Variants in KCNA6 observed in about 807,000 individuals in gnomAD.
KCNA6 encodes the protein human brain potassium channel-2.
KCNA6 carries 17 observed loss-of-function variants against 29.5 expected under a neutral mutation model. The ratio of observed to expected loss-of-function variants is 0.58; its 90% CI spans 0.39 to 0.86. The LOEUF is 0.86. Ranked by LOEUF, KCNA6 falls within the 40% of genes least tolerant of loss-of-function variation. The pLI is 0.00. For missense variants in KCNA6, 450 were observed against 703.4 expected (o/e 0.64, Z 4.07); for synonymous variants, 296 against 304.7 (o/e 0.97, Z 0.30).
At chr12:4,849,827 G>A in the KCNA6 span, among the ~76,000 whole-genome samples, 1 of 152,328 alleles carries the variant, frequency 6.6e-6, no homozygotes, top group South Asian at 2.1e-4. Flanking sequence ...TTCCAAAGCA[G>A]TTTCACAAAC....
chr12:4,842,437 T>G, the KCNA6 span: 1 of 152,444 alleles, frequency 6.6e-6, no homozygotes, highest in Admixed American at 6.5e-5. Context: ...TGAAATGGTT[T>G]AGTAGTTCTC....
chr12:4,844,735 T>C, the KCNA6 span, among the ~76,000 whole-genome samples: 104,797 of 152,054 alleles, frequency 0.69, 36,917 homozygotes, highest in African/African-American at 0.76. The surrounding 1 kb of genome is among the most constrained non-coding windows in gnomAD (Gnocchi z 4.0). Context: ...ACATGTATGT[T>C]GTCTACCACT....
At chr12:4,849,849 G>A in the KCNA6 span, among the ~76,000 whole-genome samples, 39 of 152,198 alleles carry the variant, frequency 2.6e-4, no homozygotes, top group African/African-American at 9.2e-4. Flanking sequence ...CCTTGTTGTC[G>A]TTGCTTCCGT....
chr12:4,850,708 T>C, the KCNA6 span: 315,524 of 417,876 alleles, frequency 0.76, 120,294 homozygotes, highest in African/African-American at 0.78. The surrounding 1 kb of genome is among the most constrained non-coding windows in gnomAD (Gnocchi z 5.4). Context: ...ACTAACTACA[T>C]GTCCTTTTGT....
At chr12:4,835,907 A>G in the KCNA6 span, among the ~76,000 whole-genome samples, 2 of 151,392 alleles carry the variant, frequency 1.3e-5, no homozygotes, top group Non-Finnish European at 2.9e-5. Flanking sequence ...TTCTTCCCCT[A>G]AGGTAGCTAT....
At chr12:4,819,313 A>C in the KCNA6 span, among the ~76,000 whole-genome samples, 2 of 152,170 alleles carry the variant, frequency 1.3e-5, no homozygotes, top group African/African-American at 4.8e-5. Flanking sequence ...AGGGTCTTAT[A>C]GTTAGCAGAA....
chr12:4,810,437 G>A lies in KCNA6; in HGVS notation c.396G>A (p.Ala132=), dbSNP rs1278155730. 1.2e-6 allele frequency: 2 copies of A among 1,614,072 alleles called. No homozygotes were observed. Among genetic ancestry groups the A allele is most frequent in the South Asian group, 1.1e-5 (1 of 91,080 alleles). Reference sequence around the variant, plus strand: ...ACCAGCTGGGGGACGAGGCCCTGGCGGCCTTCCGGGAGGACGAGGGCTGCC... The same window carrying A: ...ACCAGCTGGGGGACGAGGCCCTGGCAGCCTTCCGGGAGGACGAGGGCTGCC... The change falls in exon 1 of 1, where the codon GCG becomes GCA. Residue 132 remains alanine (A), a synonymous_variant. Transcript: ENST00000280684. This position sits in a 1 kb window ranked among gnomAD's most constrained non-coding sequence, Gnocchi z 7.5.
the KCNA6 span, among the ~76,000 whole-genome samples, chr12:4,827,750 C>T: frequency 2.5e-4 from 38 of 152,176 alleles, no homozygotes; most frequent in Non-Finnish European, 4.6e-4. Context: ...GGGAAGCTTC[C>T]GAGCTGGGGC....
the KCNA6 span, among the ~76,000 whole-genome samples, chr12:4,840,195 T>TATCTA: frequency 2.0e-5 from 3 of 150,132 alleles, no homozygotes; most frequent in African/African-American, 7.4e-5. Context: ...ATGATGATTA[T>TATCTA]TATCTATCTA....
At chr12:4,809,882 A>G in exon 1 of KCNA6, 5 of 778,646 alleles carry the variant, frequency 6.4e-6, no homozygotes, top group Non-Finnish European at 9.9e-6. Flanking sequence ...CCAGGGCTTT[A>G]GGGCTCACGG....
At chr12:4,844,726 C>T in the KCNA6 span, among the ~76,000 whole-genome samples, 1 of 152,092 alleles carries the variant, frequency 6.6e-6, no homozygotes, top group Non-Finnish European at 1.5e-5. This position sits in a 1 kb window ranked among gnomAD's most constrained non-coding sequence, Gnocchi z 4.0. Flanking sequence ...TGCCTTTGTA[C>T]ATGTATGTTG....
the KCNA6 span, among the ~76,000 whole-genome samples, chr12:4,826,558 C>T: frequency 6.6e-6 from 1 of 152,228 alleles, no homozygotes; most frequent in African/African-American, 2.4e-5. Context: ...TGTCACTAAC[C>T]TGCTGTGTGA....
At chr12:4,833,399 C>T in the KCNA6 span, among the ~76,000 whole-genome samples, 1 of 152,064 alleles carries the variant, frequency 6.6e-6, no homozygotes, top group Non-Finnish European at 1.5e-5. Context: ...CCATGTTGCT[C>T]CCATGTCTCT....
chr12:4,841,736 T>C, the KCNA6 span, among the ~76,000 whole-genome samples: 2 of 152,020 alleles, frequency 1.3e-5, no homozygotes, highest in East Asian at 3.8e-4. Context: ...ATTTTATATC[T>C]AAAAATGGGG....
chr12:4,829,982 C>T, the KCNA6 span, among the ~76,000 whole-genome samples: 1 of 152,178 alleles, frequency 6.6e-6, no homozygotes. Flanking sequence ...GCCAGTCCTG[C>T]CAGTTCTTTT....
At chr12:4,844,842 A>G in the KCNA6 span, among the ~76,000 whole-genome samples, 1 of 150,490 alleles carries the variant, frequency 6.6e-6, no homozygotes, top group African/African-American at 2.4e-5. This position sits in a 1 kb window ranked among gnomAD's most constrained non-coding sequence, Gnocchi z 4.0. Context: ...CAAGCAGTAT[A>G]TTATAATGTT....
the KCNA6 span, among the ~76,000 whole-genome samples, chr12:4,831,243 T>A: frequency 6.6e-6 from 1 of 152,208 alleles, no homozygotes; most frequent in Non-Finnish European, 1.5e-5. Context: ...GTCCTTGAAG[T>A]TGCATGTGGC....
At chr12:4,843,993 TGTC>T in the KCNA6 span, among the ~76,000 whole-genome samples, 1 of 152,230 alleles carries the variant, frequency 6.6e-6, no homozygotes, top group Non-Finnish European at 1.5e-5. Context: ...AGCTTGCCCA[TGTC>T]TCTCTCTTCC....
At chr12:4,822,047 C>A in the KCNA6 span, among the ~76,000 whole-genome samples, 3 of 152,200 alleles carry the variant, frequency 2.0e-5, no homozygotes, top group African/African-American at 7.2e-5. Context: ...GTTGGCCAGG[C>A]TGATCTCAAA....
Sources: gnomAD v4.1 joint callset for allele counts (sites outside exome capture counted in the v4.1 genomes callset) on GRCh38, gnomAD v4.1.1 for gene constraint, Gnocchi (gnomAD v3.1) non-coding constraint, MANE v1.5 for transcripts, NCBI Gene and HGNC (gene_info 2026-07-23, HGNC 2026-07-21) for gene names.